WWP1: variants seen among roughly 807,000 people sequenced by gnomAD.
The protein encoded by WWP1 is WW domain containing E3 ubiquitin protein ligase 1.
In WWP1, 49 loss-of-function variants were observed where a neutral mutation model predicts 130.6. That is an observed-to-expected ratio of 0.38 (90% CI 0.30 to 0.48). The LOEUF (loss-of-function observed/expected upper bound fraction) is 0.48. Ranked by LOEUF, WWP1 falls within the 20% of genes least tolerant of loss-of-function variation. The pLI, the probability that WWP1 is intolerant of heterozygous loss-of-function variation, is 0.99. For synonymous variants in WWP1, 332 were observed against 367.8 expected, an observed-to-expected ratio of 0.90 and a Z score of 1.11; for missense variants, 809 against 1,100.6, an observed-to-expected ratio of 0.74 and a Z score of 3.75.
intron 17 of WWP1, among the ~76,000 whole-genome samples, chr8:86,439,580 AT>A (rs974351928): frequency 9.9e-5 from 15 of 151,928 alleles, no homozygotes; most frequent in Non-Finnish European, 2.2e-4. Context: ...ATACATTCTT[AT>A]TTTTTGCTAT....
chr8:86,464,504 T>G (rs1811930658), intron 24 of WWP1, among the ~76,000 whole-genome samples: 1 of 151,310 alleles, frequency 6.6e-6, no homozygotes, highest in Non-Finnish European at 1.5e-5. Flanking sequence ...TAAAAGCTCT[T>G]TGCAGTTGGA....
chr8:86,411,834 CAG>C lies in WWP1; in HGVS notation c.1022_1023del (p.Gln341ProfsTer23). ...QPDGCMDPVR[Q>X]QSGNANTETL... The stretch of plus-strand genomic sequence containing the variant: ...AGATGGGTGTATGGATCCTGTACGG[CAG>C]CAGTCTGGGAATGCCAACACAGAAA... On this transcript the variant is annotated frameshift_variant, in exon 9 of 25. Transcript: ENST00000517970. LOFTEE classifies it high-confidence loss of function. 1 of 1,612,884 alleles carries C rather than the reference CAG, an allele frequency of 6.2e-7. No homozygotes were observed. The highest frequency in any genetic ancestry group is 8.5e-7 in the Non-Finnish European group (1 of 1,179,184).
At chr8:86,457,606 T>TAC (rs986028045) in intron 21 of WWP1, among the ~76,000 whole-genome samples, 6 of 151,764 alleles carry the variant, frequency 4.0e-5, no homozygotes, top group African/African-American at 9.7e-5. Context: ...TGTGTGTAAA[T>TAC]ACACACACAC....
At chr8:86,416,466 C>A (rs1040890683) in intron 9 of WWP1, among the ~76,000 whole-genome samples, 2 of 152,170 alleles carry the variant, frequency 1.3e-5, no homozygotes, top group African/African-American at 4.8e-5. Context: ...AGGCAGCAAG[C>A]AGTCTTACTG....
intron 5 of WWP1, among the ~76,000 whole-genome samples, chr8:86,390,352 G>GGTGGAGGTTGTA (rs1807230862): frequency 6.6e-6 from 1 of 152,170 alleles, no homozygotes; most frequent in Non-Finnish European, 1.5e-5. Flanking sequence ...GCGGCTGGGA[G>GGTGGAGGTTGTA]GTGGAGGTTG....
At chr8:86,464,566 A>G (rs556896501) in intron 24 of WWP1, among the ~76,000 whole-genome samples, 1 of 152,144 alleles carries the variant, frequency 6.6e-6, no homozygotes, top group Admixed American at 6.5e-5. Flanking sequence ...CCTATGTTAG[A>G]GTGCAGTGGC....
rs1174516395 is a variant in WWP1, at chr8:86,411,605, T to G, written c.792T>G (p.Ser264=). The part of the protein sequence containing the change: ...NASVTGTPVV[S]EENALSPNCT... ...CTGTCACGGGTACTCCAGTAGTGTCTGAAGAAAATGCCTTGTCTCCAAATT... is the reference window on the plus strand; with the variant it reads ...CTGTCACGGGTACTCCAGTAGTGTCGGAAGAAAATGCCTTGTCTCCAAATT... The change falls in exon 9 of 25, where the codon TCT becomes TCG. Residue 264 remains serine, a synonymous_variant. Transcript: ENST00000517970. The G allele has an allele frequency of 6.2e-7, 1 of 1,614,172 alleles. No individual in the cohort carries two copies. Among genetic ancestry groups the G allele is most frequent in the Non-Finnish European group, 8.5e-7 (1 of 1,179,984 alleles).
chr8:86,428,171 T>G (rs957477863), intron 11 of WWP1, among the ~76,000 whole-genome samples: 1 of 152,216 alleles, frequency 6.6e-6, no homozygotes, highest in African/African-American at 2.4e-5. Context: ...ACCAGTTACT[T>G]TATTATTTTA....
chr8:86,352,039 CTTTTTTTTT>C (rs770047019), intron 1 of WWP1, among the ~76,000 whole-genome samples: 16 of 125,184 alleles, frequency 1.3e-4, no homozygotes, highest in Admixed American at 3.4e-4. Flanking sequence ...TAAAATATTC[CTTTTTTTTT>C]TTTTTTTTTG....
chr8:86,343,673 T>C (rs775398609), intron 1 of WWP1, among the ~76,000 whole-genome samples: 70 of 152,346 alleles, frequency 4.6e-4, no homozygotes, highest in Non-Finnish European at 8.4e-4. Flanking sequence ...GTGGTAAATA[T>C]ATGAAACCTT....
chr8:86,419,973 T>A (rs1421741540), intron 9 of WWP1, among the ~76,000 whole-genome samples: 1 of 152,216 alleles, frequency 6.6e-6, no homozygotes, highest in Non-Finnish European at 1.5e-5. Flanking sequence ...TATAATTCTG[T>A]ATCCAGCCAC....
At chr8:86,414,887 CCA>C (rs1563510732) in intron 9 of WWP1, among the ~76,000 whole-genome samples, 392 of 129,680 alleles carry the variant, frequency 3.0e-3, no homozygotes, top group Non-Finnish European at 4.0e-3. Context: ...AATCCCCCCC[CCA>C]TCCCCCCACC....
intron 1 of WWP1, among the ~76,000 whole-genome samples, chr8:86,363,568 G>A (rs1823791189): frequency 6.6e-6 from 1 of 151,964 alleles, no homozygotes; most frequent in Admixed American, 6.6e-5. Flanking sequence ...TTGGGAGGCC[G>A]AGGTGGGCCG....
intron 14 of WWP1, among the ~76,000 whole-genome samples, chr8:86,434,812 A>G (rs1422450955): frequency 6.6e-6 from 1 of 152,208 alleles, no homozygotes; most frequent in Non-Finnish European, 1.5e-5. Context: ...ACAACACAAG[A>G]GAACATTTTT....
intron 1 of WWP1, among the ~76,000 whole-genome samples, chr8:86,355,295 G>A (rs1296473169): frequency 6.6e-6 from 1 of 152,112 alleles, no homozygotes; most frequent in Non-Finnish European, 1.5e-5. Flanking sequence ...AGTCTCATCA[G>A]CAGTTCTGGG....
intron 1 of WWP1, among the ~76,000 whole-genome samples, chr8:86,360,937 T>C (rs890953762): frequency 6.6e-6 from 1 of 152,170 alleles, no homozygotes; most frequent in Non-Finnish European, 1.5e-5. Context: ...GATGGAGCAG[T>C]GAATGCAAAG....
intron 8 of WWP1, among the ~76,000 whole-genome samples, chr8:86,409,023 G>T (rs1808431940): frequency 6.6e-6 from 1 of 151,860 alleles, no homozygotes; most frequent in Non-Finnish European, 1.5e-5. Context: ...TTCTAATGGG[G>T]TTTTTAAAAA....
chr8:86,380,902 G>A (rs762629584), intron 4 of WWP1, 38 bp downstream of exon 4: 1 of 1,538,828 alleles, frequency 6.5e-7, no homozygotes, highest in South Asian at 1.3e-5. Context: ...ATCTTCACAA[G>A]AAAGTGTATT....
At chr8:86,390,448 T>C (rs1303398811) in intron 5 of WWP1, among the ~76,000 whole-genome samples, 1 of 152,100 alleles carries the variant, frequency 6.6e-6, no homozygotes, top group Non-Finnish European at 1.5e-5. Context: ...ATCCCGGCAC[T>C]TCGGGAGGCC....
Sources: gnomAD v4.1 joint callset for allele counts (sites outside exome capture counted in the v4.1 genomes callset) on GRCh38, gnomAD v4.1.1 for gene constraint, MANE v1.5 for transcripts, NCBI Gene and HGNC (gene_info 2026-07-23, HGNC 2026-07-21) for gene names.